INPP4A: variants seen among roughly 807,000 people sequenced by gnomAD.
The protein encoded by INPP4A is inositol polyphosphate-4-phosphatase, type I, 107kD.
Under a neutral mutation model 119.8 loss-of-function variants are expected in INPP4A, and 33 were observed. That is an observed-to-expected ratio of 0.28 (90% confidence interval 0.21 to 0.37). The LOEUF is 0.37. Ranked by LOEUF, INPP4A falls within the 10% of genes least tolerant of loss-of-function variation. The pLI, the probability that INPP4A is intolerant of heterozygous loss-of-function variation, is 1.00. For synonymous variants in INPP4A, 496 were observed against 500.7 expected, an observed-to-expected ratio of 0.99 and a Z score of 0.12; for missense variants, 956 against 1,289.9, an observed-to-expected ratio of 0.74 and a Z score of 3.97.
intron 1 of INPP4A, among the ~76,000 whole-genome samples, chr2:98,489,861 C>T (rs1680336752): frequency 2.3e-5 from 3 of 130,742 alleles, no homozygotes; most frequent in Admixed American, 2.3e-4. Flanking sequence ...GTTTATATAC[C>T]CCCCCACCCC....
At chr2:98,484,879 A>G (rs1206512243) in intron 1 of INPP4A, among the ~76,000 whole-genome samples, 2 of 152,020 alleles carry the variant, frequency 1.3e-5, no homozygotes, top group African/African-American at 4.8e-5. Context: ...CATTTCCCTG[A>G]CAGGCTTGTA....
chr2:98,527,345 C>A (rs1372998232), intron 4 of INPP4A, among the ~76,000 whole-genome samples: 2 of 152,234 alleles, frequency 1.3e-5, no homozygotes, highest in African/African-American at 4.8e-5. Context: ...TCAGTGACAA[C>A]AGCTTTTTCC....
chr2:98,482,268 T>C (rs1248226649), intron 1 of INPP4A, among the ~76,000 whole-genome samples: 1 of 152,380 alleles, frequency 6.6e-6, no homozygotes, highest in Admixed American at 6.5e-5. Context: ...TCCCACATTA[T>C]TGGGCTGAGA....
chr2:98,573,420 T>G (rs935646127), intron 23 of INPP4A, among the ~76,000 whole-genome samples: 1 of 152,232 alleles, frequency 6.6e-6, no homozygotes, highest in Non-Finnish European at 1.5e-5. Context: ...ACCAATTTCA[T>G]AGCTGGTCAT....
At chr2:98,564,533 G>GGC in intron 18 of INPP4A, 107 bp from the exon 19 acceptor site, 1 of 1,371,118 alleles carries the variant, frequency 7.3e-7, no homozygotes, top group African/African-American at 1.4e-5. Flanking sequence ...AAGCCCCTTT[G>GGC]AGCAGTGGCA....
intron 1 of INPP4A, among the ~76,000 whole-genome samples, chr2:98,504,226 A>G (rs1402812966): frequency 1.3e-5 from 2 of 152,166 alleles, no homozygotes; most frequent in Non-Finnish European, 2.9e-5. Context: ...CCCTCTCTCC[A>G]GGAAGGTCCT....
intron 4 of INPP4A, among the ~76,000 whole-genome samples, chr2:98,532,408 T>G (rs1358220552): frequency 3.3e-5 from 5 of 152,214 alleles, no homozygotes; most frequent in Non-Finnish European, 7.3e-5. Context: ...TATTTTAAAA[T>G]TGCGATAAAA....
chr2:98,552,055 G>A (rs751685802), intron 13 of INPP4A, among the ~76,000 whole-genome samples: 11 of 152,290 alleles, frequency 7.2e-5, no homozygotes, highest in Admixed American at 6.5e-4. Context: ...AGACACACAC[G>A]CTGCTTGGTG....
chr2:98,587,061 C>T lies in INPP4A; in HGVS notation c.2787-415C>T, dbSNP rs572170091. ...CAGCTCTTGCTAATACAGAAAAGTC[C>T]GGCTCTTTAAAGCTCTGAAGTGCAA... is the stretch of plus-strand genomic sequence containing the variant. On this transcript the variant is annotated intron_variant, in intron 24 of 24. Transcript: ENST00000409851. 3.9e-4 allele frequency among the ~76,000 whole-genome samples: 60 copies of T among 152,284 alleles called. No individual in the cohort carries two copies. In the East Asian group the frequency reaches 5.4e-3, roughly 14 times the overall value.
chr2:98,584,316 G>A (rs922921181), intron 24 of INPP4A, among the ~76,000 whole-genome samples: 1 of 152,242 alleles, frequency 6.6e-6, no homozygotes, highest in Non-Finnish European at 1.5e-5. Context: ...CCTGCTCCTG[G>A]TAACGTGGTT....
rs1039598800 is a variant in INPP4A, at chr2:98,566,868, A to G, written c.2420+699A>G. Among the ~76,000 whole-genome samples, 1 of 152,176 alleles carries G rather than the reference A, an allele frequency of 6.6e-6. No homozygotes were observed. Among genetic ancestry groups the G allele is most frequent in the African/African-American group, 2.4e-5 (1 of 41,430 alleles). On this transcript the variant is annotated intron_variant, in intron 21 of 24. Transcript: ENST00000409851. The surrounding 1 kb of genome is among the most constrained non-coding windows in gnomAD (Gnocchi z 4.2). Reference sequence around the variant, plus strand: ...GAGAATGATTCCTGTGTTGTCATTTATCTTCATGTGATATGTGTAGAATAG... The same window carrying G: ...GAGAATGATTCCTGTGTTGTCATTTGTCTTCATGTGATATGTGTAGAATAG...
At chr2:98,448,277 A>G (rs1694595452) in intron 1 of INPP4A, among the ~76,000 whole-genome samples, 1 of 148,756 alleles carries the variant, frequency 6.7e-6, no homozygotes, top group African/African-American at 2.5e-5. Flanking sequence ...AATCTCTTGA[A>G]CTCAGGAGGT....
chr2:98,520,103 C>A lies in INPP4A; in HGVS notation c.55C>A (p.Arg19=). ...TGGTGCCAGGGCCCGTGCAATGCAG[C>A]GGGCTTCCACCATCGACGTGGCGGC... ...RHGARARAMQ[R]ASTIDVAADM... Residue 19 remains arginine (R), a synonymous_variant, in exon 3 of 25, where the codon CGG becomes AGG. Transcript: ENST00000409851. 1 of 1,576,782 alleles carries A rather than the reference C, an allele frequency of 6.3e-7. No individual in the cohort carries two copies. The highest frequency in any genetic ancestry group is 8.6e-7 in the Non-Finnish European group (1 of 1,159,886).
At chr2:98,466,009 G>T (rs1025355111) in intron 1 of INPP4A, among the ~76,000 whole-genome samples, 14 of 152,080 alleles carry the variant, frequency 9.2e-5, no homozygotes, top group Non-Finnish European at 2.9e-5. Context: ...GCTTAGGAAG[G>T]GACCTTCTTG....
At chr2:98,548,845 A>G (rs1692963087) in intron 13 of INPP4A, 15 of 1,022,160 alleles carry the variant, frequency 1.5e-5, no homozygotes, top group Middle Eastern at 2.9e-4. Context: ...CTCAACAAAT[A>G]ATTTTAAGTA....
At chr2:98,474,822 A>G (rs1676869679) in intron 1 of INPP4A, among the ~76,000 whole-genome samples, 1 of 152,080 alleles carries the variant, frequency 6.6e-6, no homozygotes, top group Non-Finnish European at 1.5e-5. Flanking sequence ...TATGCACCAA[A>G]CCCATCTGGG....
rs1337883611 is a variant in INPP4A, at chr2:98,554,250, T to G, written c.1348-21T>G. On this transcript the variant is annotated intron_variant, in intron 14 of 24. Coordinates refer to ENST00000409851, the MANE Select transcript of INPP4A (RefSeq NM_001134225.2). The surrounding 1 kb of genome is among the most constrained non-coding windows in gnomAD (Gnocchi z 4.7). Reference sequence around the variant, plus strand: ...AGCCCCTGGCCTGGGCTCAGCAGCCTTGGTTTGTGTGCACCTGCAGACACG... The same window carrying G: ...AGCCCCTGGCCTGGGCTCAGCAGCCGTGGTTTGTGTGCACCTGCAGACACG... 3.4e-5 allele frequency: 53 copies of G among 1,576,314 alleles called. No homozygotes were observed. Among genetic ancestry groups the G allele is most frequent in the Non-Finnish European group, 4.1e-5 (48 of 1,160,402 alleles).
chr2:98,494,461 G>A lies in INPP4A; in HGVS notation c.-165-24503G>A, dbSNP rs185789296. Among the ~76,000 whole-genome samples, 10 of 152,236 alleles carry A rather than the reference G, an allele frequency of 6.6e-5. No homozygotes were observed. In the East Asian group the frequency reaches 9.7e-4, roughly 15 times the overall value. On this transcript the variant is annotated intron_variant, in intron 1 of 24. Transcript: ENST00000409851. ...GTTCATAAAGTGGAAGTGTCACTCC[G>A]AGAGAAGTGGGACACAGTCTGTGCG...
At chr2:98,553,556 TACAC>T (rs991441001) in intron 14 of INPP4A, among the ~76,000 whole-genome samples, 15 of 150,350 alleles carry the variant, frequency 1.0e-4, no homozygotes, top group Non-Finnish European at 1.8e-4. Context: ...CACGCTCTCA[TACAC>T]ACACACACGC....
Sources: allele counts gnomAD v4.1 joint callset (sites outside exome capture counted in the v4.1 genomes callset), GRCh38; gene constraint gnomAD v4.1.1; non-coding constraint Gnocchi (gnomAD v3.1); transcripts MANE v1.5; gene names NCBI Gene and HGNC (gene_info 2026-07-23, HGNC 2026-07-21).